The following ARL13B variants were observed in gnomAD, a reference collection of about 807,000 sequenced individuals.
ARL13B encodes ARF like GTPase 13B.
ARL13B carries 36 observed loss-of-function variants against 56.1 expected under a neutral mutation model. The ratio of observed to expected loss-of-function variants is 0.64; its 90% CI spans 0.49 to 0.85. The LOEUF is 0.85. ARL13B is among the 40% of genes least tolerant of loss of function. The pLI is 0.00. For missense variants in ARL13B, 519 were observed against 507.1 expected, an observed-to-expected ratio of 1.02 and a Z score of -0.23; for synonymous variants, 178 against 171.1, an observed-to-expected ratio of 1.04 and a Z score of -0.32.
chr3:93,985,792 C>G (rs796814253), intron 1 of ARL13B, among the ~76,000 whole-genome samples: 5 of 152,240 alleles, frequency 3.3e-5, no homozygotes, highest in African/African-American at 1.2e-4. Flanking sequence ...GATTTCTTGT[C>G]CATCTGTGTT....
At chr3:93,989,671 A>G (rs1395309828) in intron 1 of ARL13B, among the ~76,000 whole-genome samples, 1 of 151,772 alleles carries the variant, frequency 6.6e-6, no homozygotes, top group Non-Finnish European at 1.5e-5. Flanking sequence ...TAGAGTAGCT[A>G]TTGTTATTAT....
At chr3:94,016,432 G>A (rs1369130803) in intron 3 of ARL13B, among the ~76,000 whole-genome samples, 1 of 152,002 alleles carries the variant, frequency 6.6e-6, no homozygotes, top group African/African-American at 2.4e-5. Flanking sequence ...GTAAAATTTG[G>A]AGGAATCTTT....
At chr3:94,034,420 T>C (rs1343700616) in intron 3 of ARL13B, among the ~76,000 whole-genome samples, 1 of 152,040 alleles carries the variant, frequency 6.6e-6, no homozygotes, top group African/African-American at 2.4e-5. Flanking sequence ...AATTAAATAG[T>C]GGTAAATTGT....
At position 94,006,048 on chromosome 3, in the gene ARL13B, C is replaced by T. The variant is rs529096778; in HGVS notation, c.380+2140C>T. On this transcript the variant is annotated intron_variant, in intron 3 of 9. Transcript: ENST00000394222. The stretch of plus-strand genomic sequence containing the variant: ...GGGCACGGTGGCTCACGCCTGTAAT[C>T]CCAGCACTTTGGGAGGCCGAGGAGG... Among the ~76,000 whole-genome samples, 3 of 152,216 alleles carry T rather than the reference C, an allele frequency of 2.0e-5. No individual in the cohort carries two copies. The South Asian group carries it at 6.2e-4, about 32-fold the overall frequency.
intron 3 of ARL13B, among the ~76,000 whole-genome samples, chr3:94,033,912 A>G (rs1188625851): frequency 2.0e-5 from 3 of 152,182 alleles, no homozygotes; most frequent in African/African-American, 7.2e-5. Context: ...AATCCCAAAC[A>G]TGGGAATTCT....
chr3:94,054,942 C>G lies in ARL13B; in HGVS notation c.*1679C>G, dbSNP rs778910067. The G allele has an allele frequency of 5.1e-5, 14 of 274,856 alleles. No homozygotes were observed. The highest frequency in any genetic ancestry group is 4.9e-4 in the South Asian group (14 of 28,736). The allele number at this position is 274,856 out of a possible 1,614,324, so 17.0% of individuals were successfully genotyped here. A position where few individuals can be genotyped will look rare whatever the true frequency, so the allele number is the denominator to read the frequency against. ...TTGTAACATTTACTTAATTTTAAAA[C>G]TAAACTCATACTTTTGCTATCTTTT... On this transcript the variant is annotated 3_prime_UTR_variant, in exon 10 of 10. Coordinates refer to ENST00000394222, the MANE Select transcript of ARL13B (RefSeq NM_001174150.2).
chr3:94,033,641 G>T (rs1478776853), intron 3 of ARL13B, among the ~76,000 whole-genome samples: 1 of 152,156 alleles, frequency 6.6e-6, no homozygotes. Context: ...ATCAATGGCT[G>T]CTAAAATCAT....
At chr3:94,044,940 G>T (rs1450978825) in intron 7 of ARL13B, among the ~76,000 whole-genome samples, 2 of 152,212 alleles carry the variant, frequency 1.3e-5, no homozygotes, top group Non-Finnish European at 2.9e-5. Context: ...GTACCCAACA[G>T]CTCCGAAGAG....
chr3:94,043,714 C>T (rs1035561291), intron 7 of ARL13B, among the ~76,000 whole-genome samples: 1 of 109,368 alleles, frequency 9.1e-6, no homozygotes, highest in Non-Finnish European at 1.8e-5. Context: ...CTGGACTGTA[C>T]TGCCATGATC....
chr3:93,984,603 G>A (rs1429969592), intron 1 of ARL13B, among the ~76,000 whole-genome samples: 1 of 152,162 alleles, frequency 6.6e-6, no homozygotes. Context: ...AAATTTGTGT[G>A]TAAGTAGAAC....
intron 5 of ARL13B, among the ~76,000 whole-genome samples, chr3:94,038,325 T>C (rs2076804205): frequency 6.6e-6 from 1 of 152,168 alleles, no homozygotes; most frequent in East Asian, 1.9e-4. Context: ...GTCACAGAAG[T>C]AGTAAATTGC....
Position 93,980,346 on chromosome 3 carries a change from C to G in ARL13B, c.-78C>G. On this transcript the variant is annotated 5_prime_UTR_variant, in exon 1 of 10. Coordinates refer to ENST00000394222, the MANE Select transcript of ARL13B (RefSeq NM_001174150.2). ...CCACTTTAGGGGCGTCTCGGAGTGC[C>G]GGAGGCCCCCGGGGAAGAGCGGGGT... 6.3e-7 allele frequency: 1 copy of G among 1,577,880 alleles called. No individual in the cohort carries two copies. The highest frequency in any genetic ancestry group is 1.7e-4 in the Middle Eastern group (1 of 5,992).
intron 3 of ARL13B, among the ~76,000 whole-genome samples, chr3:94,013,238 A>C (rs1319914330): frequency 2.0e-5 from 3 of 152,154 alleles, no homozygotes; most frequent in Non-Finnish European, 1.5e-5. Context: ...CAATCTAAAG[A>C]AGCACCCCTT....
intron 3 of ARL13B, among the ~76,000 whole-genome samples, chr3:94,018,037 T>A (rs1214851528): frequency 6.6e-6 from 1 of 152,184 alleles, no homozygotes; most frequent in Non-Finnish European, 1.5e-5. Context: ...ATGATTTGTA[T>A]ATATTTTTTC....
At chr3:94,049,364 T>A in intron 7 of ARL13B, 42 bp from the exon 8 acceptor site, 1 of 1,286,960 alleles carries the variant, frequency 7.8e-7, no homozygotes, top group Non-Finnish European at 1.1e-6. Flanking sequence ...AAAAGTGCAC[T>A]TTTTCATAAA....
At chr3:94,005,127 A>T (rs1273552043) in intron 3 of ARL13B, among the ~76,000 whole-genome samples, 1 of 152,204 alleles carries the variant, frequency 6.6e-6, no homozygotes, top group African/African-American at 2.4e-5. Context: ...TACTGTTGCC[A>T]AGCATAGAAT....
At chr3:94,011,387 G>A (rs1034274446) in intron 3 of ARL13B, among the ~76,000 whole-genome samples, 2 of 152,092 alleles carry the variant, frequency 1.3e-5, no homozygotes, top group Non-Finnish European at 2.9e-5. Flanking sequence ...TTCTTAGAAT[G>A]TTTGTTGTTC....
Position 94,055,135 on chromosome 3 carries a change from C to A in ARL13B, c.*1872C>A. 2.8e-6 allele frequency: 1 copy of A among 363,122 alleles called. No individual in the cohort carries two copies. Among genetic ancestry groups the A allele is most frequent in the Non-Finnish European group, 5.3e-6 (1 of 188,946 alleles). The allele number at this position is 363,122 out of a possible 1,614,324, so 22.5% of individuals were successfully genotyped here. A position where few individuals can be genotyped will look rare whatever the true frequency, so the allele number is the denominator to read the frequency against. On this transcript the variant is annotated 3_prime_UTR_variant, in exon 10 of 10. Transcript: ENST00000394222. ...CTCTCTCAAAAATTAATTTTTATTC[C>A]TTAAGCATTTTAAAAACATTTTAAA...
At chr3:94,046,061 TAG>T (rs1329760000) in intron 7 of ARL13B, among the ~76,000 whole-genome samples, 1 of 149,908 alleles carries the variant, frequency 6.7e-6, no homozygotes, top group Non-Finnish European at 1.5e-5. Context: ...TAAAACACAA[TAG>T]AGATTCTAGA....
Sources: gnomAD v4.1 joint callset for allele counts (sites outside exome capture counted in the v4.1 genomes callset) on GRCh38, gnomAD v4.1.1 for gene constraint, MANE v1.5 for transcripts, NCBI Gene and HGNC (gene_info 2026-07-23, HGNC 2026-07-21) for gene names.